Variants in ZC3H3 observed in about 807,000 individuals in gnomAD.
ZC3H3 encodes the protein zinc finger CCCH-type containing 3, also known as zinc finger CCCH domain-containing protein 3.
Under a neutral mutation model 77.3 loss-of-function variants are expected in ZC3H3, and 36 were observed. The observed-to-expected ratio is 0.47, with a 90% CI of 0.36 to 0.61. The LOEUF is 0.61. ZC3H3 is among the 20% of genes least tolerant of loss of function. The pLI is 0.00. For synonymous variants in ZC3H3, 626 were observed against 555.2 expected (o/e 1.13, Z -1.79); for missense variants, 1,331 against 1,312.2 (o/e 1.01, Z -0.22).
At position 143,521,796 on chromosome 8, in the gene ZC3H3, C is replaced by T. The variant is rs151173545; in HGVS notation, c.1562-13897G>A. Among the ~76,000 whole-genome samples, 786 of 152,348 alleles carry T rather than the reference C, an allele frequency of 5.2e-3. 7 individuals carry two copies. Among genetic ancestry groups the T allele is most frequent in the African/African-American group, 0.016 (646 of 41,586 alleles). ...CCAGGAAGAACGTAAATTGAGCACA[C>T]ATGCATCTTTCAGGGGTGCTGGAAC... is the stretch of plus-strand genomic sequence containing the variant. On this transcript the variant is annotated intron_variant, in intron 3 of 11. Coordinates refer to ENST00000262577, the MANE Select transcript of ZC3H3 (RefSeq NM_015117.3).
rs1822932609 is a variant in ZC3H3 at position 143,539,335 on chromosome 8, C to T, written c.47-15G>A. On this transcript the variant is annotated splice_polypyrimidine_tract_variant and intron_variant, in intron 1 of 11. Coordinates refer to ENST00000262577, the MANE Select transcript of ZC3H3 (RefSeq NM_015117.3). Reference sequence around the variant, plus strand: ...ATCAATCAGACCTGAGAAGACAGAACCACAGGCCCAGTTAGCCAGAGGGTA... The same window carrying T: ...ATCAATCAGACCTGAGAAGACAGAATCACAGGCCCAGTTAGCCAGAGGGTA... 1 of 1,581,714 alleles carries T rather than the reference C, an allele frequency of 6.3e-7. No individual in the cohort carries two copies. Among genetic ancestry groups the T allele is most frequent in the South Asian group, 1.1e-5 (1 of 88,380 alleles).
At chr8:143,536,125 G>A (rs1822787099) in intron 3 of ZC3H3, 132 bp downstream of exon 3, 3 of 1,139,934 alleles carry the variant, frequency 2.6e-6, no homozygotes, top group Non-Finnish European at 3.6e-6. Flanking sequence ...ACCACCGTCT[G>A]CCAGGCAGTG....
In ZC3H3 at chr8:143,536,265, G is replaced by A; in HGVS notation, c.1553C>T (p.Thr518Ile). 6.2e-7 allele frequency: 1 copy of A among 1,610,942 alleles called. No homozygotes were observed. Residue 518 changes from threonine to isoleucine, a missense_variant, in exon 3 of 12, where the codon ACC becomes ATC. Coordinates refer to ENST00000262577, the MANE Select transcript of ZC3H3 (RefSeq NM_015117.3). ...CCCTGCTCCCAGCATACCTTCCTTG[G>A]TGGGGAGGTGGGCCCGGCTCGGTGG... ...RLPPSRAHLP[T>I]KEASSLHAVR...
At chr8:143,512,854 C>A (rs1821913757) in intron 3 of ZC3H3, among the ~76,000 whole-genome samples, 1 of 152,230 alleles carries the variant, frequency 6.6e-6, no homozygotes. Context: ...GTGATTACAA[C>A]TGAGAGTGCT....
At chr8:143,531,471 G>A (rs948751862) in intron 3 of ZC3H3, among the ~76,000 whole-genome samples, 1 of 152,244 alleles carries the variant, frequency 6.6e-6, no homozygotes, top group African/African-American at 2.4e-5. Context: ...GAAGAGTCAG[G>A]CTGAAACCTT....
intron 4 of ZC3H3, among the ~76,000 whole-genome samples, chr8:143,480,717 G>A (rs1434537237): frequency 1.3e-5 from 2 of 152,198 alleles, no homozygotes; most frequent in Non-Finnish European, 2.9e-5. Context: ...GCCCTTTCAG[G>A]TCCTGCTCCC....
chr8:143,443,053 C>G (rs1015280504), intron 9 of ZC3H3, among the ~76,000 whole-genome samples: 2 of 152,120 alleles, frequency 1.3e-5, no homozygotes, highest in Non-Finnish European at 2.9e-5. Flanking sequence ...GGGTGGATCA[C>G]TTGAGGTCAG....
At chr8:143,496,339 C>T (rs1821350828) in intron 4 of ZC3H3, among the ~76,000 whole-genome samples, 1 of 152,224 alleles carries the variant, frequency 6.6e-6, no homozygotes, top group Non-Finnish European at 1.5e-5. Context: ...CACTGCCCCC[C>T]AAGGAGCCGG....
intron 11 of ZC3H3, among the ~76,000 whole-genome samples, chr8:143,438,932 A>G (rs893436530): frequency 3.3e-5 from 5 of 152,110 alleles, no homozygotes; most frequent in African/African-American, 1.2e-4. Flanking sequence ...CAGCAGCTCC[A>G]GCTTCCTGCC....
chr8:143,535,835 C>G (rs532626525), intron 3 of ZC3H3, among the ~76,000 whole-genome samples: 1 of 152,390 alleles, frequency 6.6e-6, no homozygotes, highest in South Asian at 2.1e-4. Context: ...ATGTGACACT[C>G]AGAAAGGGCA....
chr8:143,539,726 C>G (rs1304882347), intron 1 of ZC3H3, among the ~76,000 whole-genome samples: 1 of 152,224 alleles, frequency 6.6e-6, no homozygotes, highest in East Asian at 1.9e-4. Flanking sequence ...GGCCCTCTGG[C>G]TTGCCTACAG....
intron 4 of ZC3H3, among the ~76,000 whole-genome samples, chr8:143,485,111 CTG>C (rs1197028067): frequency 6.6e-6 from 1 of 152,186 alleles, no homozygotes; most frequent in African/African-American, 2.4e-5. Flanking sequence ...TCTCAAATAA[CTG>C]AGGAAAAATT....
rs568767199 is a variant in ZC3H3, at chr8:143,523,052, G to C, written c.1561+13205C>G. On this transcript the variant is annotated intron_variant, in intron 3 of 11. Coordinates refer to ENST00000262577, the MANE Select transcript of ZC3H3 (RefSeq NM_015117.3). The stretch of plus-strand genomic sequence containing the variant: ...CATCCTGATAGTCCAGGGCCCCTCA[G>C]GGTCAGGGGCTAGTGACGGGGCAAT... 3.9e-5 allele frequency among the ~76,000 whole-genome samples: 6 copies of C among 152,328 alleles called. No individual in the cohort carries two copies. The South Asian group carries it at 1.2e-3, about 32-fold the overall frequency.
chr8:143,455,496 GC>G (rs1180607151), intron 9 of ZC3H3, among the ~76,000 whole-genome samples: 1 of 151,750 alleles, frequency 6.6e-6, no homozygotes, highest in Non-Finnish European at 1.5e-5. Flanking sequence ...GCGAGACTCT[GC>G]CCCCCCTCCC....
At chr8:143,498,864 AG>A (rs1474336813) in intron 4 of ZC3H3, among the ~76,000 whole-genome samples, 2 of 27,372 alleles carry the variant, frequency 7.3e-5, no homozygotes, top group Admixed American at 5.4e-4. Flanking sequence ...AGGGCAGGGC[AG>A]GGGGTACAGG....
chr8:143,459,807 C>T (rs1199267937), intron 9 of ZC3H3, among the ~76,000 whole-genome samples: 1 of 152,106 alleles, frequency 6.6e-6, no homozygotes, highest in African/African-American at 2.4e-5. Context: ...GGATAGAAGG[C>T]AACTTCCTCA....
At chr8:143,525,027 A>G (rs1586957375) in intron 3 of ZC3H3, among the ~76,000 whole-genome samples, 1 of 41,626 alleles carries the variant, frequency 2.4e-5, no homozygotes, top group East Asian at 1.7e-3. Flanking sequence ...GCAAGCTGCT[A>G]AACTTACGGT....
At chr8:143,528,656 C>T (rs1822497558) in intron 3 of ZC3H3, among the ~76,000 whole-genome samples, 1 of 152,228 alleles carries the variant, frequency 6.6e-6, no homozygotes, top group South Asian at 2.1e-4. Flanking sequence ...AGGGGCAGGA[C>T]AGCGTCAGGG....
chr8:143,516,299 A>G (rs926202366), intron 3 of ZC3H3, among the ~76,000 whole-genome samples: 1 of 152,160 alleles, frequency 6.6e-6, no homozygotes, highest in African/African-American at 2.4e-5. Flanking sequence ...CGCTGCAGAC[A>G]GAGGGAAGGA....
Sources: allele counts gnomAD v4.1 joint callset (sites outside exome capture counted in the v4.1 genomes callset), GRCh38; gene constraint gnomAD v4.1.1; transcripts MANE v1.5; gene names NCBI Gene and HGNC (gene_info 2026-07-23, HGNC 2026-07-21).